The following RAD51B variants were observed in gnomAD, a reference collection of about 807,000 sequenced individuals.
RAD51B encodes the protein DNA repair protein RAD51 homolog 2.
In RAD51B, 38 loss-of-function variants were observed where a neutral mutation model predicts 42.2. The observed-to-expected ratio is 0.90, with a 90% CI of 0.70 to 1.18. RAD51B has a LOEUF of 1.18. RAD51B is among the 50% of genes most tolerant of loss of function. RAD51B has a pLI of 0.00. For synonymous variants in RAD51B, 154 were observed against 145.2 expected, an observed-to-expected ratio of 1.06 and a Z score of -0.43; for missense variants, 373 against 400.7, an observed-to-expected ratio of 0.93 and a Z score of 0.59.
chr14:68,204,123 T>C (rs2079541574), intron 7 of RAD51B, among the ~76,000 whole-genome samples: 2 of 152,262 alleles, frequency 1.3e-5, no homozygotes, highest in Non-Finnish European at 2.9e-5. Context: ...ACAAGAGGCC[T>C]AGCTTCCTGC....
rs533398400 is a variant in RAD51B at position 68,542,108 on chromosome 14, ATGTCT to A, written c.1037-52372_1037-52368del. Among the ~76,000 whole-genome samples the A allele has an allele frequency of 3.9e-5, 6 of 152,360 alleles. No individual in the cohort carries two copies. The South Asian group carries it at 1.0e-3, about 26-fold the overall frequency. On this transcript the variant is annotated intron_variant, in intron 10 of 10. Transcript: ENST00000487270. ...AAGATGAAGTAAGCAATAGTTTAAAATGTCTTGTCAATTATGATGGCTTCATACTG... is the reference window on the plus strand; with the variant it reads ...AAGATGAAGTAAGCAATAGTTTAAAATGTCAATTATGATGGCTTCATACTG...
At chr14:68,264,345 A>T (rs1243412270) in intron 7 of RAD51B, among the ~76,000 whole-genome samples, 4 of 152,252 alleles carry the variant, frequency 2.6e-5, no homozygotes, top group Admixed American at 6.5e-5. Context: ...GGGGTTAGGG[A>T]TGACTTATAG....
chr14:68,191,132 A>G (rs1339216830), intron 7 of RAD51B, among the ~76,000 whole-genome samples: 1 of 152,222 alleles, frequency 6.6e-6, no homozygotes, highest in Non-Finnish European at 1.5e-5. Flanking sequence ...TTTTTAGAGA[A>G]ATCGAGTGTT....
intron 7 of RAD51B, among the ~76,000 whole-genome samples, chr14:67,933,539 C>T (rs971806527): frequency 2.6e-5 from 4 of 152,142 alleles, no homozygotes; most frequent in African/African-American, 9.7e-5. Context: ...TAGAGGAGCT[C>T]TCCCATGGTT....
chr14:68,561,648 C>T (rs780995131), intron 10 of RAD51B, among the ~76,000 whole-genome samples: 10 of 152,304 alleles, frequency 6.6e-5, no homozygotes, highest in South Asian at 4.1e-4. Flanking sequence ...GAGGGTTCCA[C>T]GTGGCAACGC....
intron 7 of RAD51B, among the ~76,000 whole-genome samples, chr14:68,150,236 G>A (rs2078349207): frequency 6.6e-6 from 1 of 152,206 alleles, no homozygotes; most frequent in South Asian, 2.1e-4. Flanking sequence ...CAGCCACCGT[G>A]CCCAGCCTGA....
At chr14:68,645,047 T>C (rs1387554176) in intron 10 of RAD51B, among the ~76,000 whole-genome samples, 1 of 152,236 alleles carries the variant, frequency 6.6e-6, no homozygotes, top group Non-Finnish European at 1.5e-5. Context: ...TCTTCAGTGG[T>C]ACTAAGTACA....
intron 7 of RAD51B, among the ~76,000 whole-genome samples, chr14:68,283,997 C>T (rs934243827): frequency 2.0e-5 from 3 of 152,202 alleles, no homozygotes; most frequent in Admixed American, 6.5e-5. Flanking sequence ...TGTGATTGAG[C>T]GAGTGTGTGC....
At chr14:67,954,617 G>A (rs1199157607) in intron 7 of RAD51B, among the ~76,000 whole-genome samples, 1 of 152,182 alleles carries the variant, frequency 6.6e-6, no homozygotes, top group East Asian at 1.9e-4. Flanking sequence ...ACTAATCCAA[G>A]AAGTTAAAGA....
chr14:68,630,477 A>C (rs564118670), intron 10 of RAD51B, among the ~76,000 whole-genome samples: 3 of 152,194 alleles, frequency 2.0e-5, no homozygotes, highest in African/African-American at 7.2e-5. Context: ...CCCAGCTATA[A>C]AATAGCATGG....
chr14:67,861,192 C>A lies in RAD51B; in HGVS notation c.316-3811C>A, dbSNP rs527498050. Among the ~76,000 whole-genome samples, 43 of 150,404 alleles carry A rather than the reference C, an allele frequency of 2.9e-4. 1 individual carries two copies. Among genetic ancestry groups the A allele is most frequent in the Non-Finnish European group, 4.9e-4 (33 of 67,506 alleles). On this transcript the variant is annotated intron_variant, in intron 4 of 10. Coordinates refer to ENST00000471583, the MANE Select transcript of RAD51B (RefSeq NM_133510.4). ...TGGGTGACAGAGCGAGACCCTGTCA[C>A]AAACCAAAACAAAAAAACAAAAAAT...
At chr14:67,940,568 C>T (rs1805312768) in intron 7 of RAD51B, among the ~76,000 whole-genome samples, 1 of 152,050 alleles carries the variant, frequency 6.6e-6, no homozygotes, top group Non-Finnish European at 1.5e-5. Context: ...GTTTGTGTCC[C>T]ATAAGGTTCC....
chr14:68,098,168 A>G (rs1367825433), intron 7 of RAD51B, among the ~76,000 whole-genome samples: 1 of 152,216 alleles, frequency 6.6e-6, no homozygotes, highest in African/African-American at 2.4e-5. Flanking sequence ...CCTGGATGGT[A>G]TCCAACATTC....
chr14:68,087,922 A>ATATAAT lies in RAD51B; in HGVS notation c.756+200722_756+200723insATTATA, dbSNP rs1566634392. 1.4e-3 allele frequency among the ~76,000 whole-genome samples: 156 copies of ATATAAT among 111,660 alleles called. 1 individual carries two copies. The highest frequency in any genetic ancestry group is 6.9e-3 in the African/African-American group (153 of 22,056). The allele number at this position is 111,660 out of a possible 152,430, so 73.3% of individuals were successfully genotyped here. A position where few individuals can be genotyped will look rare whatever the true frequency, so the allele number is the denominator to read the frequency against. ...TATTTATATAATTATATAATATATT[A>ATATAAT]TATATAATTATATAATTTATTATTA... On this transcript the variant is annotated intron_variant, in intron 7 of 10. Coordinates refer to ENST00000471583, the MANE Select transcript of RAD51B (RefSeq NM_133510.4).
At position 68,393,412 on chromosome 14, in the gene RAD51B, C is replaced by T. The variant is rs373798695; in HGVS notation, c.854-18012C>T. ...TCAAAGTGTGCTTGTCCTCTATTCT[C>T]ATACTGAGGCTGTGTTATGGTGTGA... On this transcript the variant is annotated intron_variant, in intron 8 of 10. Transcript: ENST00000471583. Among the ~76,000 whole-genome samples, 8 of 152,332 alleles carry T rather than the reference C, an allele frequency of 5.3e-5. No individual in the cohort carries two copies. The East Asian group carries it at 7.7e-4, about 15-fold the overall frequency.
intron 7 of RAD51B, among the ~76,000 whole-genome samples, chr14:68,190,731 G>C (rs932984672): frequency 6.6e-6 from 1 of 152,070 alleles, no homozygotes; most frequent in African/African-American, 2.4e-5. Context: ...TTTTTAAAAA[G>C]TTAGTTTTTA....
intron 8 of RAD51B, among the ~76,000 whole-genome samples, chr14:68,330,586 T>A (rs1020933869): frequency 5.3e-5 from 8 of 152,232 alleles, no homozygotes; most frequent in Non-Finnish European, 1.0e-4. Flanking sequence ...GAGGAAACAC[T>A]GGCTGGTTTG....
In RAD51B at chr14:68,167,769, A is replaced by G. The variant is rs139908237; in HGVS notation, c.757-124115A>G. On this transcript the variant is annotated intron_variant, in intron 7 of 10. Coordinates refer to ENST00000471583, the MANE Select transcript of RAD51B (RefSeq NM_133510.4). Reference sequence around the variant, plus strand: ...ATAGACAGTCTGACATTTCCCCATGAAAAGTCATTTATTAGAGTTCTGATA... The same window carrying G: ...ATAGACAGTCTGACATTTCCCCATGGAAAGTCATTTATTAGAGTTCTGATA... Among the ~76,000 whole-genome samples, 561 of 151,170 alleles carry G rather than the reference A, an allele frequency of 3.7e-3. 1 individual carries two copies. Among genetic ancestry groups the G allele is most frequent in the Middle Eastern group, 6.8e-3 (2 of 294 alleles).
chr14:68,608,102 G>A (rs150083424), intron 10 of RAD51B, among the ~76,000 whole-genome samples: 3 of 152,294 alleles, frequency 2.0e-5, no homozygotes, highest in South Asian at 2.1e-4. Context: ...TGGGCACAGC[G>A]CGTGCCATGA....
Sources: allele counts gnomAD v4.1 joint callset (sites outside exome capture counted in the v4.1 genomes callset), GRCh38; gene constraint gnomAD v4.1.1; transcripts MANE v1.5; gene names NCBI Gene and HGNC (gene_info 2026-07-23, HGNC 2026-07-21).